PPP1R1C: variants seen among roughly 807,000 people sequenced by gnomAD.
The protein encoded by PPP1R1C is protein phosphatase 1 regulatory subunit 1C.
In PPP1R1C, 15 loss-of-function variants were observed where a neutral mutation model predicts 17.4. That is an observed-to-expected ratio of 0.86 (90% CI 0.58 to 1.33). The LOEUF is 1.33. Among genes scored for constraint, PPP1R1C ranks in the 40% most tolerant of loss-of-function variants. PPP1R1C has a pLI of 0.00. For missense variants in PPP1R1C, 143 were observed against 130.0 expected, an observed-to-expected ratio of 1.10 and a Z score of -0.48; for synonymous variants, 35 against 43.1, an observed-to-expected ratio of 0.81 and a Z score of 0.73.
chr2:182,011,383 G>A (rs980801838), intron 2 of PPP1R1C, among the ~76,000 whole-genome samples: 11 of 151,866 alleles, frequency 7.2e-5, no homozygotes, highest in Middle Eastern at 6.8e-3. Context: ...TTTCTTCAAG[G>A]TTTTCAAATT....
chr2:182,119,355 G>A (rs1342151161), downstream of PPP1R1C, among the ~76,000 whole-genome samples: 11 of 151,892 alleles, frequency 7.2e-5, no homozygotes, highest in Admixed American at 6.6e-5. Context: ...GAATAGTGCC[G>A]CAATAAACAT....
chr2:182,084,826 G>A (rs1192131968), intron 4 of PPP1R1C, among the ~76,000 whole-genome samples: 2 of 151,996 alleles, frequency 1.3e-5, no homozygotes, highest in African/African-American at 4.8e-5. Context: ...ATTGCATTGA[G>A]TCTATAGATT....
At chr2:182,005,399 T>TA (rs939002733) in intron 2 of PPP1R1C, among the ~76,000 whole-genome samples, 2 of 152,224 alleles carry the variant, frequency 1.3e-5, no homozygotes, top group African/African-American at 2.4e-5. Flanking sequence ...TAGCTAATCT[T>TA]AAAATGTATG....
At chr2:182,032,605 G>A (rs955959696) in intron 2 of PPP1R1C, among the ~76,000 whole-genome samples, 3 of 151,996 alleles carry the variant, frequency 2.0e-5, no homozygotes, top group Admixed American at 6.6e-5. Flanking sequence ...GTCTCCATTC[G>A]TGCTGAAAGG....
chr2:182,078,101 G>A (rs1279302278), intron 4 of PPP1R1C, among the ~76,000 whole-genome samples: 3 of 152,138 alleles, frequency 2.0e-5, no homozygotes, highest in Non-Finnish European at 4.4e-5. Context: ...AATCGCTTGA[G>A]CCCGGGTGGC....
Position 181,970,157 on chromosome 2 carries a change from G to A in PPP1R1C, n.112-5062G>A, listed in dbSNP as rs1684979544. Among the ~76,000 whole-genome samples, 3 of 151,348 alleles carry A rather than the reference G, an allele frequency of 2.0e-5. No homozygotes were observed. In the South Asian group the frequency reaches 6.3e-4, roughly 32 times the overall value. On this transcript the variant is annotated intron_variant and non_coding_transcript_variant, in intron 1 of 5. Coordinates refer to the PPP1R1C transcript ENST00000464264. Reference sequence around the variant, plus strand: ...TTAGTTTTTTTTTTTTTCCTTTGAGGTCATGTTTTCCTGGATGGTCTTGAT... The same window carrying A: ...TTAGTTTTTTTTTTTTTCCTTTGAGATCATGTTTTCCTGGATGGTCTTGAT...
rs1684771733 is a variant in PPP1R1C, at chr2:181,961,064, A to G, written n.111+6430A>G. Reference sequence around the variant, plus strand: ...AGAAATCAGAAGAGGGACAACTGCAAAATAAAGGCTGTAACAGGAGCGTGT... The same window carrying G: ...AGAAATCAGAAGAGGGACAACTGCAGAATAAAGGCTGTAACAGGAGCGTGT... On this transcript the variant is annotated intron_variant and non_coding_transcript_variant, in intron 1 of 5. Coordinates refer to the PPP1R1C transcript ENST00000464264. This position sits in a 1 kb window ranked among gnomAD's most constrained non-coding sequence, Gnocchi z 5.8. 2.0e-6 allele frequency: 1 copy of G among 499,540 alleles called. No homozygotes were observed. Among genetic ancestry groups the G allele is most frequent in the African/African-American group, 1.9e-5 (1 of 51,740 alleles). The allele number at this position is 499,540 out of a possible 1,614,324, so 30.9% of individuals were successfully genotyped here.
At chr2:181,971,864 C>T (rs890436812) in intron 1 of PPP1R1C, among the ~76,000 whole-genome samples, 5 of 152,206 alleles carry the variant, frequency 3.3e-5, no homozygotes, top group African/African-American at 1.2e-4. Flanking sequence ...AGTTCCAATG[C>T]AGTCCCACAA....
At chr2:182,024,857 A>AAAC (rs1686545809) in intron 2 of PPP1R1C, among the ~76,000 whole-genome samples, 1 of 150,666 alleles carries the variant, frequency 6.6e-6, no homozygotes, top group East Asian at 2.0e-4. Context: ...TCTGTCTCAA[A>AAAC]AAACAAACAA....
At chr2:181,994,184 C>CTACTGATG (rs1685550120) in intron 2 of PPP1R1C, among the ~76,000 whole-genome samples, 1 of 151,774 alleles carries the variant, frequency 6.6e-6, no homozygotes, top group Non-Finnish European at 1.5e-5. Flanking sequence ...AATAAGCATG[C>CTACTGATG]TACTGATGCT....
At chr2:181,959,295 CT>C (rs2125129968) in intron 1 of PPP1R1C, among the ~76,000 whole-genome samples, 1 of 152,288 alleles carries the variant, frequency 6.6e-6, no homozygotes, top group South Asian at 2.1e-4. Context: ...AATAACTACT[CT>C]CCCCACACAT....
intron 4 of PPP1R1C, among the ~76,000 whole-genome samples, chr2:182,098,151 A>G (rs1207960439): frequency 6.6e-6 from 1 of 152,178 alleles, no homozygotes; most frequent in Non-Finnish European, 1.5e-5. Flanking sequence ...TCTACCATGA[A>G]CAAGTTTATT....
intron 2 of PPP1R1C, among the ~76,000 whole-genome samples, chr2:181,977,946 G>GT (rs1346388099): frequency 1.3e-5 from 2 of 152,152 alleles, no homozygotes; most frequent in Non-Finnish European, 2.9e-5. Context: ...GTATTAGTCT[G>GT]TTTTCATGCT....
chr2:181,980,691 CA>C (rs753665834), intron 2 of PPP1R1C, among the ~76,000 whole-genome samples: 14 of 151,980 alleles, frequency 9.2e-5, no homozygotes, highest in Non-Finnish European at 1.5e-4. Context: ...GAAACTGCCT[CA>C]ACAAGAATAG....
downstream of PPP1R1C, among the ~76,000 whole-genome samples, chr2:182,121,700 C>T (rs1289633934): frequency 6.6e-5 from 10 of 152,076 alleles, no homozygotes; most frequent in Admixed American, 1.3e-4. Context: ...GACGGGGTTT[C>T]GCCATATTGT....
At chr2:182,024,316 G>A (rs571281486) in intron 2 of PPP1R1C, among the ~76,000 whole-genome samples, 77 of 152,110 alleles carry the variant, frequency 5.1e-4, no homozygotes, top group African/African-American at 1.3e-3. Context: ...ATTATATCCC[G>A]AAATATAAGA....
intron 2 of PPP1R1C, among the ~76,000 whole-genome samples, chr2:182,014,110 T>A (rs1686174239): frequency 6.6e-6 from 1 of 152,332 alleles, no homozygotes; most frequent in South Asian, 2.1e-4. Context: ...TCTTCGATTT[T>A]GGGGCACTGA....
At chr2:181,981,761 A>G (rs1413269114), upstream of PPP1R1C, among the ~76,000 whole-genome samples, 2 of 152,218 alleles carry the variant, frequency 1.3e-5, no homozygotes, top group Non-Finnish European at 2.9e-5. Flanking sequence ...TGAAGTTACA[A>G]CTAGAATTGA....
At chr2:182,116,786 T>A (rs1689595873) in intron 4 of PPP1R1C, among the ~76,000 whole-genome samples, 1 of 152,184 alleles carries the variant, frequency 6.6e-6, no homozygotes, top group South Asian at 2.1e-4. Context: ...GTTTTGTTGT[T>A]TATAAGTTAC....
Sources: gnomAD v4.1 joint callset for allele counts (sites outside exome capture counted in the v4.1 genomes callset) on GRCh38, gnomAD v4.1.1 for gene constraint, Gnocchi (gnomAD v3.1) non-coding constraint, MANE v1.5 for transcripts, NCBI Gene and HGNC (gene_info 2026-07-23, HGNC 2026-07-21) for gene names.